Variants in PRKCB observed in about 807,000 individuals in gnomAD.
The protein encoded by PRKCB is protein kinase C beta, also known as protein kinase C beta type.
A neutral mutation model predicts 81.5 loss-of-function variants in PRKCB; 13 were observed. The observed-to-expected ratio is 0.16, with a 90% CI of 0.10 to 0.25. The LOEUF is 0.25. Among genes scored for constraint, PRKCB ranks in the 10% least tolerant of loss-of-function variants. The pLI, the probability that PRKCB is intolerant of heterozygous loss-of-function variation, is 1.00. For synonymous variants in PRKCB, 335 were observed against 321.4 expected, an observed-to-expected ratio of 1.04 and a Z score of -0.45; for missense variants, 509 against 875.7, an observed-to-expected ratio of 0.58 and a Z score of 5.29.
At chr16:24,100,737 A>G (rs1210311713) in intron 7 of PRKCB, among the ~76,000 whole-genome samples, 1 of 152,202 alleles carries the variant, frequency 6.6e-6, no homozygotes, top group African/African-American at 2.4e-5. Context: ...GCAATATTTT[A>G]GCAGAGAAAG....
rs185349785 is a variant in PRKCB at position 23,898,396 on chromosome 16, T to A, written c.205+60990T>A. On this transcript the variant is annotated intron_variant, in intron 2 of 16. Coordinates refer to ENST00000643927, the MANE Select transcript of PRKCB (RefSeq NM_002738.7). ...CTAATATTTAATTGAGTGCCTGTTG[T>A]GTGCTAAGTACTGTGCTGGGTTCTC... is the stretch of plus-strand genomic sequence containing the variant. Among the ~76,000 whole-genome samples the A allele has an allele frequency of 1.4e-3, 214 of 152,200 alleles. 3 individuals carry two copies. The highest frequency in any genetic ancestry group is 4.9e-3 in the African/African-American group (205 of 41,528).
intron 3 of PRKCB, among the ~76,000 whole-genome samples, chr16:24,019,052 C>A (rs978099952): frequency 2.6e-5 from 4 of 152,062 alleles, no homozygotes; most frequent in Non-Finnish European, 5.9e-5. Flanking sequence ...CCCAGATAAA[C>A]CCTAAAATAT....
chr16:23,858,711 G>A (rs903897516), intron 2 of PRKCB, among the ~76,000 whole-genome samples: 3 of 152,158 alleles, frequency 2.0e-5, no homozygotes, highest in Non-Finnish European at 2.9e-5. Context: ...AGGACAGGCT[G>A]AGAACTATGC....
chr16:24,210,537 C>T (rs1056435488), intron 16 of PRKCB, among the ~76,000 whole-genome samples: 4 of 150,578 alleles, frequency 2.7e-5, no homozygotes, highest in Admixed American at 1.3e-4. Context: ...CTCATTCTGT[C>T]GCCCAGGCTG....
intron 16 of PRKCB, among the ~76,000 whole-genome samples, chr16:24,206,616 G>A (rs941605403): frequency 6.6e-6 from 1 of 152,148 alleles, no homozygotes; most frequent in Non-Finnish European, 1.5e-5. Flanking sequence ...CTCCAAAGAA[G>A]CAATGTCTCT....
At chr16:24,110,127 G>GTCCGT (rs1966654789) in intron 7 of PRKCB, among the ~76,000 whole-genome samples, 1 of 102,920 alleles carries the variant, frequency 9.7e-6, no homozygotes, top group African/African-American at 6.5e-5. Flanking sequence ...GGGAGAGGGA[G>GTCCGT]AGGGAGAGGG....
intron 3 of PRKCB, among the ~76,000 whole-genome samples, chr16:24,011,929 C>T (rs1965207751): frequency 6.6e-6 from 1 of 152,218 alleles, no homozygotes; most frequent in Admixed American, 6.5e-5. Context: ...CCTAGCATAT[C>T]ATAGAAATGT....
intron 12 of PRKCB, among the ~76,000 whole-genome samples, chr16:24,175,971 CAAAA>C (rs34578906): frequency 4.0e-5 from 2 of 49,846 alleles, no homozygotes; most frequent in African/African-American, 7.6e-5. Flanking sequence ...GACCCTGTCT[CAAAA>C]AAAAAAAAAA....
intron 2 of PRKCB, among the ~76,000 whole-genome samples, chr16:23,955,727 C>T (rs186908284): frequency 6.6e-6 from 1 of 152,262 alleles, no homozygotes; most frequent in African/African-American, 2.4e-5. Flanking sequence ...TGTCCTTTAC[C>T]TCTCTCTTTG....
intron 2 of PRKCB, among the ~76,000 whole-genome samples, chr16:23,875,497 A>AT (rs775905215): frequency 1.8e-5 from 2 of 109,884 alleles, no homozygotes; most frequent in South Asian, 3.1e-4. Context: ...ATATATATAT[A>AT]TATATATATG....
At chr16:23,942,477 G>C (rs1187094401) in intron 2 of PRKCB, among the ~76,000 whole-genome samples, 2 of 152,206 alleles carry the variant, frequency 1.3e-5, no homozygotes, top group African/African-American at 4.8e-5. Context: ...ATTGGAGTTT[G>C]AGAAATGGCT....
At chr16:24,049,055 T>G (rs1420686853) in intron 5 of PRKCB, among the ~76,000 whole-genome samples, 5 of 134,926 alleles carry the variant, frequency 3.7e-5, no homozygotes, top group South Asian at 2.5e-4. Context: ...CTGTTTTTTT[T>G]TTTTTTTTTT....
chr16:23,933,844 TCATCCATC>T (rs58975374), intron 2 of PRKCB, among the ~76,000 whole-genome samples: 3,862 of 118,324 alleles, frequency 0.033, 143 homozygotes, highest in African/African-American at 0.094. Flanking sequence ...GATTTTCTAT[TCATCCATC>T]CATCCATCCA....
intron 7 of PRKCB, 125 bp from the exon 8 acceptor site, chr16:24,112,840 AAACAAACC>A: frequency 1.6e-6 from 1 of 626,548 alleles, no homozygotes; most frequent in Admixed American, 3.0e-5. Flanking sequence ...AAACAAACCA[AAACAAACC>A]AAAAAACCCT....
At chr16:24,040,982 C>G (rs1363780574) in intron 5 of PRKCB, among the ~76,000 whole-genome samples, 1 of 152,004 alleles carries the variant, frequency 6.6e-6, no homozygotes, top group Non-Finnish European at 1.5e-5. Context: ...TCAGGCAATA[C>G]AATGTCCAGA....
chr16:23,938,845 T>C (rs1382150490), intron 2 of PRKCB, among the ~76,000 whole-genome samples: 1 of 152,220 alleles, frequency 6.6e-6, no homozygotes, highest in Non-Finnish European at 1.5e-5. Context: ...GTGCTGTATG[T>C]TCCTGTTGGT....
intron 16 of PRKCB, among the ~76,000 whole-genome samples, chr16:24,192,076 T>C (rs1001398972): frequency 2.0e-5 from 3 of 152,252 alleles, no homozygotes; most frequent in Admixed American, 6.5e-5. Context: ...AACACCATCA[T>C]TGAAACCTAA....
At chr16:23,854,753 C>G (rs538736455) in intron 2 of PRKCB, among the ~76,000 whole-genome samples, 1 of 117,390 alleles carries the variant, frequency 8.5e-6, no homozygotes, top group South Asian at 3.5e-4. Flanking sequence ...ATGGGAGAAG[C>G]TGCAAATAAT....
At chr16:24,153,458 A>G (rs1967108464) in intron 9 of PRKCB, among the ~76,000 whole-genome samples, 1 of 152,238 alleles carries the variant, frequency 6.6e-6, no homozygotes, top group South Asian at 2.1e-4. Flanking sequence ...GACACAGTGC[A>G]TGCAGTGAAT....
Sources: allele counts gnomAD v4.1 joint callset (sites outside exome capture counted in the v4.1 genomes callset), GRCh38; gene constraint gnomAD v4.1.1; transcripts MANE v1.5; gene names NCBI Gene and HGNC (gene_info 2026-07-23, HGNC 2026-07-21).